PIWIL1: variants seen among roughly 807,000 people sequenced by gnomAD.
PIWIL1 encodes the protein piwi-like protein 1.
A neutral mutation model predicts 114.4 loss-of-function variants in PIWIL1; 73 were observed. The ratio of observed to expected loss-of-function variants is 0.64; its 90% CI spans 0.53 to 0.78. PIWIL1 has a LOEUF of 0.78. Ranked by LOEUF, PIWIL1 falls within the 30% of genes least tolerant of loss-of-function variation. The pLI, the probability that PIWIL1 is intolerant of heterozygous loss-of-function variation, is 0.00. For synonymous variants in PIWIL1, 375 were observed against 369.0 expected, an observed-to-expected ratio of 1.02 and a Z score of -0.19; for missense variants, 723 against 1,063.1, an observed-to-expected ratio of 0.68 and a Z score of 4.45.
intron 9 of PIWIL1, 62 bp from the exon 10 acceptor site, chr12:130,354,475 G>T: frequency 2.5e-6 from 4 of 1,595,070 alleles, no homozygotes; most frequent in Admixed American, 1.8e-5. Context: ...AACCCTTTTT[G>T]CCCACTGAGA....
chr12:130,422,802 G>A, the PIWIL1 span, among the ~76,000 whole-genome samples: 3 of 152,132 alleles, frequency 2.0e-5, no homozygotes, highest in Non-Finnish European at 4.4e-5. The surrounding 1 kb of genome is among the most constrained non-coding windows in gnomAD (Gnocchi z 5.2). Context: ...TCCTTGTGGG[G>A]GGGTCTCTTT....
chr12:130,396,237 A>G, the PIWIL1 span: 1 of 152,676 alleles, frequency 6.5e-6, no homozygotes. Context: ...CTTTAATAAT[A>G]AATCTACCAC....
At chr12:130,415,924 G>A in the PIWIL1 span, among the ~76,000 whole-genome samples, 1 of 151,908 alleles carries the variant, frequency 6.6e-6, no homozygotes, top group Non-Finnish European at 1.5e-5. Flanking sequence ...TTCAAGCTGA[G>A]AGCCAAATCA....
the PIWIL1 span, among the ~76,000 whole-genome samples, chr12:130,407,250 C>A: frequency 6.6e-6 from 1 of 152,350 alleles, no homozygotes; most frequent in East Asian, 1.9e-4. Context: ...CCCCACCTCT[C>A]ATTTCTGAAG....
At chr12:130,398,039 T>TGAAA in the PIWIL1 span, 3 of 152,156 alleles carry the variant, frequency 2.0e-5, no homozygotes, top group East Asian at 5.8e-4. Flanking sequence ...GCACACTGGT[T>TGAAA]GAAAGAAAAA....
At chr12:130,361,405 G>A in intron 15 of PIWIL1, 25 bp downstream of exon 15, 3 of 1,612,418 alleles carry the variant, frequency 1.9e-6, no homozygotes, top group East Asian at 2.2e-5. Flanking sequence ...ATTGGTAGAT[G>A]CCGTTTTAAA....
chr12:130,414,298 C>T, the PIWIL1 span: 8 of 1,586,038 alleles, frequency 5.0e-6, no homozygotes, highest in African/African-American at 1.3e-5. Context: ...CGGTCTCGCC[C>T]GTAATCGTCT....
chr12:130,342,761 G>T lies in PIWIL1; in HGVS notation c.78+92G>T, dbSNP rs918579794. The T allele has an allele frequency of 1.6e-5, 16 of 1,016,102 alleles. No homozygotes were observed. The African/African-American group carries it at 1.9e-4, about 12-fold the overall frequency. 62.9% of individuals were successfully genotyped at this position (1,016,102 alleles called of 1,614,324 possible). A position where few individuals can be genotyped will look rare whatever the true frequency, so the allele number is the denominator to read the frequency against. Reference sequence around the variant, plus strand: ...AATAAACTAAAAACTGTGCTGGGAAGGATATAGGAAGTGAGCAAGGGAGAT... The same window carrying T: ...AATAAACTAAAAACTGTGCTGGGAATGATATAGGAAGTGAGCAAGGGAGAT... On this transcript the variant is annotated intron_variant, in intron 2 of 20. Coordinates refer to ENST00000245255, the MANE Select transcript of PIWIL1 (RefSeq NM_004764.5).
chr12:130,412,861 A>G, the PIWIL1 span: 7 of 1,359,256 alleles, frequency 5.1e-6, no homozygotes, highest in African/African-American at 1.5e-5. Flanking sequence ...CACTGACGGT[A>G]AGTGAGTGTA....
chr12:130,348,164 A>G lies in PIWIL1; in HGVS notation c.715A>G (p.Ile239Val), dbSNP rs1374285580. The G allele has an allele frequency of 3.1e-6, 5 of 1,599,956 alleles. No individual in the cohort carries two copies. In the Middle Eastern group the frequency reaches 6.6e-4, roughly 212 times the overall value. The change falls in exon 7 of 21, where the codon ATT becomes GTT. Residue 239 changes from isoleucine (I) to valine (V), a missense_variant. Transcript: ENST00000245255. ...GRNYYNPNDP[I>V]DIPSHRLVIW... ...AAATTATTATAACCCAAATGACCCA[A>G]TTGATATTCCAAGTCACAGGTTTGT... is the stretch of plus-strand genomic sequence containing the variant.
Position 130,371,796 on chromosome 12 carries a change from ATCT to A in PIWIL1, c.*203_*205del, listed in dbSNP as rs1348417632. ...CGTAAAAATTAAGATTTTATATTTT[ATCT>A]TCTTGTTTCTCATAGATATTTTGTG... On this transcript the variant is annotated 3_prime_UTR_variant, in exon 21 of 21. Transcript: ENST00000245255. The A allele has an allele frequency of 8.4e-6, 3 of 358,178 alleles. No individual in the cohort carries two copies. The highest frequency in any genetic ancestry group is 1.5e-5 in the Non-Finnish European group (3 of 200,710). 22.2% of individuals were successfully genotyped at this position (358,178 alleles called of 1,614,324 possible). A position where few individuals can be genotyped will look rare whatever the true frequency, so the allele number is the denominator to read the frequency against.
chr12:130,368,799 T>TA (rs758337565), intron 19 of PIWIL1, among the ~76,000 whole-genome samples: 1 of 151,910 alleles, frequency 6.6e-6, no homozygotes, highest in Non-Finnish European at 1.5e-5. Flanking sequence ...TTATGAAGTA[T>TA]AAAAAACGTC....
the PIWIL1 span, among the ~76,000 whole-genome samples, chr12:130,392,313 T>TCA: frequency 2.3e-4 from 29 of 127,148 alleles, no homozygotes; most frequent in South Asian, 5.4e-4. Flanking sequence ...GTCACCGTCA[T>TCA]CATGTGTCCG....
intron 19 of PIWIL1, among the ~76,000 whole-genome samples, chr12:130,370,516 T>C (rs534574439): frequency 6.6e-6 from 1 of 152,266 alleles, no homozygotes; most frequent in Non-Finnish European, 1.5e-5. Context: ...ACAACATCAT[T>C]TTATATTAGG....
At chr12:130,409,444 G>C in the PIWIL1 span, among the ~76,000 whole-genome samples, 2 of 142,012 alleles carry the variant, frequency 1.4e-5, no homozygotes, top group Non-Finnish European at 3.0e-5. Context: ...CCGGGTTCAT[G>C]CGATTCTCCT....
At chr12:130,339,512 G>A (rs973791048) in intron 1 of PIWIL1, 1 of 151,890 alleles carries the variant, frequency 6.6e-6, no homozygotes, top group Non-Finnish European at 1.5e-5. Context: ...AGGTGGAAGC[G>A]TCTTTGGCAG....
At chr12:130,395,622 TATG>T in the PIWIL1 span, among the ~76,000 whole-genome samples, 1 of 152,210 alleles carries the variant, frequency 6.6e-6, no homozygotes, top group Non-Finnish European at 1.5e-5. Flanking sequence ...AAAAAGATAT[TATG>T]GTAGCAATTA....
the PIWIL1 span, among the ~76,000 whole-genome samples, chr12:130,416,557 A>G: frequency 6.6e-6 from 1 of 152,240 alleles, no homozygotes; most frequent in Non-Finnish European, 1.5e-5. Context: ...ACCTTTTACC[A>G]TATACAAACA....
chr12:130,394,413 G>A, the PIWIL1 span, among the ~76,000 whole-genome samples: 1 of 152,196 alleles, frequency 6.6e-6, no homozygotes, highest in Non-Finnish European at 1.5e-5. Context: ...CCATATGAAA[G>A]AGCACTTCAC....
Sources: gnomAD v4.1 joint callset for allele counts (sites outside exome capture counted in the v4.1 genomes callset) on GRCh38, gnomAD v4.1.1 for gene constraint, Gnocchi (gnomAD v3.1) non-coding constraint, MANE v1.5 for transcripts, NCBI Gene and HGNC (gene_info 2026-07-23, HGNC 2026-07-21) for gene names.